Variants in PDE10A observed in about 807,000 individuals in gnomAD.
PDE10A encodes cAMP and cAMP-inhibited cGMP 3',5'-cyclic phosphodiesterase 10A.
A neutral mutation model predicts 97.7 loss-of-function variants in PDE10A; 39 were observed. That is an observed-to-expected ratio of 0.40 (90% CI 0.31 to 0.52). PDE10A has a LOEUF of 0.52. Ranked by LOEUF, PDE10A falls within the 20% of genes least tolerant of loss-of-function variation. PDE10A has a pLI of 0.56. For missense variants in PDE10A, 731 were observed against 1,047.8 expected (o/e 0.70, Z 4.17); for synonymous variants, 371 against 376.8 (o/e 0.98, Z 0.18).
chr6:165,942,576 C>T (rs546572344), intron 1 of PDE10A, among the ~76,000 whole-genome samples: 21 of 152,232 alleles, frequency 1.4e-4, no homozygotes, highest in Admixed American at 1.0e-3. Context: ...GCTCTGCCCC[C>T]GCTCTGCCCC....
At chr6:165,636,848 G>A (rs746251652) in intron 1 of PDE10A, among the ~76,000 whole-genome samples, 8 of 152,064 alleles carry the variant, frequency 5.3e-5, no homozygotes, top group African/African-American at 1.2e-4. Flanking sequence ...CCCTCACCTC[G>A]GAAGGGCAAG....
rs1302045740 is a variant in PDE10A at position 165,661,644 on chromosome 6, G to A, written c.865+303C>T. 5.3e-6 allele frequency: 2 copies of A among 377,964 alleles called. No homozygotes were observed. Among genetic ancestry groups the A allele is most frequent in the Non-Finnish European group, 9.4e-6 (2 of 213,002 alleles). The allele number at this position is 377,964 out of a possible 1,614,324, so 23.4% of individuals were successfully genotyped here. The stretch of plus-strand genomic sequence containing the variant: ...AGTGTGGCCAGAAACGGCACGAGGG[G>A]CGGAGAAGGAGGCGGCAGGTCCCGC... On this transcript the variant is annotated intron_variant, in intron 1 of 21. Coordinates refer to ENST00000539869, the MANE Select transcript of PDE10A (RefSeq NM_001385079.1). This position sits in a 1 kb window ranked among gnomAD's most constrained non-coding sequence, Gnocchi z 4.8.
intron 1 of PDE10A, among the ~76,000 whole-genome samples, chr6:165,606,697 G>A (rs767375554): frequency 6.6e-5 from 10 of 152,102 alleles, no homozygotes; most frequent in Non-Finnish European, 1.3e-4. Flanking sequence ...ATAGCAAGTA[G>A]GAGAAAGGCT....
chr6:165,745,490 C>T (rs1792823030), intron 1 of PDE10A, among the ~76,000 whole-genome samples: 1 of 152,172 alleles, frequency 6.6e-6, no homozygotes. Flanking sequence ...AAAATAATAT[C>T]TTTACCATCG....
Position 165,819,718 on chromosome 6 carries a change from C to T in PDE10A, c.-615+167811G>A, listed in dbSNP as rs1472801208. Among the ~76,000 whole-genome samples the T allele has an allele frequency of 2.0e-5, 3 of 152,182 alleles. No individual in the cohort carries two copies. ...GACTGTGCACCACGTACTCCTCACC[C>T]GCCCTCCCGCTGTGAGCACATTCCG... On this transcript the variant is annotated intron_variant, in intron 1 of 19. Transcript: ENST00000366882. The surrounding 1 kb of genome is among the most constrained non-coding windows in gnomAD (Gnocchi z 4.2).
intron 1 of PDE10A, among the ~76,000 whole-genome samples, chr6:165,578,579 T>C (rs1785443136): frequency 6.6e-6 from 1 of 152,126 alleles, no homozygotes; most frequent in African/African-American, 2.4e-5. Context: ...CCCGCTACTC[T>C]CCCCATTCCT....
intron 1 of PDE10A, among the ~76,000 whole-genome samples, chr6:165,682,213 G>A (rs778369664): frequency 9.9e-5 from 15 of 152,092 alleles, no homozygotes; most frequent in Non-Finnish European, 1.9e-4. Context: ...GCTCACTGCA[G>A]CCTCAACCAC....
chr6:165,722,891 C>A (rs1792201537), intron 1 of PDE10A, among the ~76,000 whole-genome samples: 1 of 151,518 alleles, frequency 6.6e-6, no homozygotes, highest in Non-Finnish European at 1.5e-5. Flanking sequence ...TATACACACA[C>A]ACACACACAC....
chr6:165,799,501 T>C (rs1486128343), intron 1 of PDE10A, among the ~76,000 whole-genome samples: 1 of 152,166 alleles, frequency 6.6e-6, no homozygotes, highest in Non-Finnish European at 1.5e-5. Context: ...AGCTTGCAAA[T>C]GCATTTTCTG....
Position 165,964,454 on chromosome 6 carries a change from T to G in PDE10A, c.-615+23075A>C, listed in dbSNP as rs138214198. On this transcript the variant is annotated intron_variant, in intron 1 of 19. Transcript: ENST00000366882. Reference sequence around the variant, plus strand: ...ATTGCCAGCTTTACTACACTGTTTTTAAAATGTAGAGATGAAATCTGGGCG... The same window carrying G: ...ATTGCCAGCTTTACTACACTGTTTTGAAAATGTAGAGATGAAATCTGGGCG... 3.7e-3 allele frequency among the ~76,000 whole-genome samples: 564 copies of G among 152,330 alleles called. 2 individuals are homozygous for G. Among genetic ancestry groups the G allele is most frequent in the African/African-American group, 0.013 (529 of 41,568 alleles).
intron 1 of PDE10A, among the ~76,000 whole-genome samples, chr6:165,899,735 G>A (rs1782053119): frequency 6.6e-6 from 1 of 152,238 alleles, no homozygotes; most frequent in Non-Finnish European, 1.5e-5. Flanking sequence ...TGTACCAGGT[G>A]CTGCGTCCTG....
chr6:165,430,361 A>G lies in PDE10A; in HGVS notation c.1543-16T>C, dbSNP rs777543962. 6.7e-6 allele frequency: 10 copies of G among 1,494,130 alleles called. No homozygotes were observed. Among genetic ancestry groups the G allele is most frequent in the Admixed American group, 1.8e-5 (1 of 57,036 alleles). The allele number at this position is 1,494,130 out of a possible 1,614,324, so 92.6% of individuals were successfully genotyped here. ...CTCTGCATACCTACCATATAAAATA[A>G]TAGGTACAATTACAAGAGATTTCTG... On this transcript the variant is annotated splice_polypyrimidine_tract_variant and intron_variant, in intron 8 of 21. Coordinates refer to ENST00000539869, the MANE Select transcript of PDE10A (RefSeq NM_001385079.1).
At chr6:165,643,481 A>G (rs1258780042) in intron 1 of PDE10A, among the ~76,000 whole-genome samples, 1 of 152,150 alleles carries the variant, frequency 6.6e-6, no homozygotes, top group African/African-American at 2.4e-5. Context: ...AGATTTTTAC[A>G]TGCTGGGGCA....
At chr6:165,350,729 C>T (rs960544748) in intron 18 of PDE10A, among the ~76,000 whole-genome samples, 1 of 152,082 alleles carries the variant, frequency 6.6e-6, no homozygotes, top group Admixed American at 6.5e-5. Flanking sequence ...AACATGGGGG[C>T]AGTTTCCCCA....
intron 1 of PDE10A, among the ~76,000 whole-genome samples, chr6:165,776,612 C>T (rs1007931829): frequency 3.0e-4 from 45 of 152,198 alleles, no homozygotes; most frequent in African/African-American, 9.7e-4. Flanking sequence ...AAAGTTTCTC[C>T]GTATTATGCT....
chr6:165,650,542 A>ACCTTGCTT (rs1789630763), intron 1 of PDE10A, among the ~76,000 whole-genome samples: 2 of 152,090 alleles, frequency 1.3e-5, no homozygotes, highest in Admixed American at 1.3e-4. Context: ...TTTTCACATA[A>ACCTTGCTT]CGGTGTATCT....
chr6:165,750,146 C>T (rs9356386), intron 1 of PDE10A, among the ~76,000 whole-genome samples: 26,535 of 151,970 alleles, frequency 0.17, 2,668 homozygotes, highest in East Asian at 0.36. Context: ...AGTGGAGAAG[C>T]GAGCAAGGCT....
intron 1 of PDE10A, among the ~76,000 whole-genome samples, chr6:165,686,319 G>A (rs1303181482): frequency 3.9e-5 from 6 of 152,180 alleles, no homozygotes; most frequent in Admixed American, 3.3e-4. Flanking sequence ...TGCCCAGGAA[G>A]TCTTTCCTGG....
At position 165,367,524 on chromosome 6, in the gene PDE10A, A is replaced by G. The variant is rs181185576; in HGVS notation, c.2783+11670T>C. Among the ~76,000 whole-genome samples the G allele has an allele frequency of 2.0e-5, 3 of 152,186 alleles. No individual in the cohort carries two copies. The East Asian group carries it at 5.8e-4, about 29-fold the overall frequency. ...AATGTAATGCTTGAAACTTCTCCAAACTTCACTGAAATCAGCAGCCCACAG... is the reference window on the plus strand; with the variant it reads ...AATGTAATGCTTGAAACTTCTCCAAGCTTCACTGAAATCAGCAGCCCACAG... On this transcript the variant is annotated intron_variant, in intron 18 of 21. Transcript: ENST00000539869.
Sources: gnomAD v4.1 joint callset for allele counts (sites outside exome capture counted in the v4.1 genomes callset) on GRCh38, gnomAD v4.1.1 for gene constraint, Gnocchi (gnomAD v3.1) non-coding constraint, MANE v1.5 for transcripts, NCBI Gene and HGNC (gene_info 2026-07-23, HGNC 2026-07-21) for gene names.